Variants in FAM83H observed in about 807,000 individuals in gnomAD.
FAM83H encodes protein FAM83H.
FAM83H carries 24 observed loss-of-function variants against 30.2 expected under a neutral mutation model. The ratio of observed to expected loss-of-function variants is 0.79; its 90% CI spans 0.57 to 1.12. FAM83H has a LOEUF of 1.12. Among genes scored for constraint, FAM83H ranks in the 50% most tolerant of loss-of-function variants. The pLI, the probability that FAM83H is intolerant of heterozygous loss-of-function variation, is 0.00. For synonymous variants in FAM83H, 1,013 were observed against 821.7 expected (o/e 1.23, Z -3.98); for missense variants, 2,038 against 1,773.9 (o/e 1.15, Z -2.67).
chr8:143,732,382 C>G, intron 1 of FAM83H: 2 of 985,322 alleles, frequency 2.0e-6, no homozygotes, highest in Non-Finnish European at 2.4e-6. Flanking sequence ...GTAGGCCTGT[C>G]TGGCTGGGCC....
At chr8:143,732,175 T>C (rs999350352) in intron 1 of FAM83H, 19 of 985,380 alleles carry the variant, frequency 1.9e-5, no homozygotes, top group Non-Finnish European at 2.3e-5. Flanking sequence ...CTGGTGCCCC[T>C]GGGGGTGACA....
chr8:143,731,727 C>T, intron 1 of FAM83H: 1 of 985,482 alleles, frequency 1.0e-6, no homozygotes, highest in African/African-American at 1.7e-5. Flanking sequence ...GAGTCCTGTC[C>T]CCACCAGCCC....
In FAM83H at chr8:143,727,098, C is replaced by T. The variant is rs56148058; in HGVS notation, c.2363G>A (p.Ser788Asn). Reference protein sequence around the residue: ...AVGGERRSLESCLLDLRDSFA... With the variant: ...AVGGERRSLENCLLDLRDSFA... Reference sequence around the variant, plus strand: ...GGAGTCGCGCAGGTCCAGCAGGCAGCTCTCGAGGCTGCGGCGCTCGCCCCC... The same window carrying T: ...GGAGTCGCGCAGGTCCAGCAGGCAGTTCTCGAGGCTGCGGCGCTCGCCCCC... The change falls in exon 5 of 5, where the codon AGC becomes AAC. Residue 788 changes from serine (S) to asparagine (N), a missense_variant. Coordinates refer to ENST00000388913, the MANE Select transcript of FAM83H (RefSeq NM_198488.5). 45,206 of 1,539,106 alleles carry T rather than the reference C, an allele frequency of 0.029. 803 individuals are homozygous for T. Among genetic ancestry groups the T allele is most frequent in the Middle Eastern group, 0.057 (315 of 5,528 alleles).
rs1554622147 is a variant in FAM83H at position 143,726,911 on chromosome 8, G to C, written c.2550C>G (p.Ser850Arg). ...CTCCGGACCCTTCCAGCGGCAGAGG[G>C]CTGTCCAGCCCTTGCGGGGACGTTG... is the stretch of plus-strand genomic sequence containing the variant. ...SHSTSPQGLDSPLPLEGSGAH... is the reference protein window; with the variant it reads ...SHSTSPQGLDRPLPLEGSGAH... Residue 850 changes from serine to arginine, a missense_variant, in exon 5 of 5, where the codon AGC becomes AGG. Transcript: ENST00000388913. The C allele has an allele frequency of 6.2e-7, 1 of 1,612,472 alleles. No individual in the cohort carries two copies. Among genetic ancestry groups the C allele is most frequent in the Non-Finnish European group, 8.5e-7 (1 of 1,179,812 alleles).
chr8:143,730,391 C>T lies in FAM83H; in HGVS notation c.192G>A (p.Val64=). The T allele has an allele frequency of 6.2e-7, 1 of 1,613,450 alleles. No homozygotes were observed. Among genetic ancestry groups the T allele is most frequent in the Non-Finnish European group, 8.5e-7 (1 of 1,180,034 alleles). Residue 64 remains valine, a synonymous_variant, in exon 2 of 5, where the codon GTG becomes GTA. Transcript: ENST00000388913. ...DFLCPEELEH[V]SRHLRPPQYV... is the part of the protein sequence containing the mutation. ...ACTGCGGAGGCCGAAGGTGTCGGCT[C>T]ACATGTTCCAGCTCTTCAGGGCACA...
Position 143,726,612 on chromosome 8 carries a change from G to A in FAM83H, c.2849C>T (p.Pro950Leu). ...TISGESPKAG[P>L]AEEGPSGPME... ...GGGGCCGCTCGGCCCCTCCTCCGCGGGCCCGGCCTTCGGGGACTCCCCGGA... is the reference window on the plus strand; with the variant it reads ...GGGGCCGCTCGGCCCCTCCTCCGCGAGCCCGGCCTTCGGGGACTCCCCGGA... Residue 950 changes from proline (P) to leucine (L), a missense_variant, in exon 5 of 5, where the codon CCC (proline) becomes CTC (leucine). Pro to Leu is a moderately conservative substitution (Grantham distance 98). Transcript: ENST00000388913. 6.2e-7 allele frequency: 1 copy of A among 1,600,522 alleles called. No homozygotes were observed. The highest frequency in any genetic ancestry group is 1.1e-5 in the South Asian group (1 of 90,722).
chr8:143,732,282 C>T (rs1393642860), intron 1 of FAM83H: 31 of 985,256 alleles, frequency 3.1e-5, no homozygotes, highest in Non-Finnish European at 3.5e-5. Flanking sequence ...GTTGGGGCAC[C>T]GTCCTCATGG....
chr8:143,730,737 G>A (rs782673410), intron 1 of FAM83H, 140 bp from the exon 2 acceptor site: 2 of 655,252 alleles, frequency 3.1e-6, no homozygotes, highest in Non-Finnish European at 5.0e-6. Context: ...GCCTTCCAGG[G>A]CACCAGCCGA....
intron 1 of FAM83H, chr8:143,732,467 G>T (rs1554624759): frequency 1.0e-6 from 1 of 985,248 alleles, no homozygotes; most frequent in Non-Finnish European, 1.2e-6. Context: ...GAACAACCCT[G>T]CTGATGTTGT....
Position 143,728,258 on chromosome 8 carries a change from G to T in FAM83H, c.1203C>A (p.His401Gln). 1 of 1,554,194 alleles carries T rather than the reference G, an allele frequency of 6.4e-7. No individual in the cohort carries two copies. The highest frequency in any genetic ancestry group is 8.6e-7 in the Non-Finnish European group (1 of 1,156,482). The change falls in exon 5 of 5, where the codon CAC (histidine) becomes CAA (glutamine). Residue 401 changes from histidine to glutamine, a missense_variant. Physicochemically the swap from His to Gln is conservative, Grantham distance 24. Coordinates refer to ENST00000388913, the MANE Select transcript of FAM83H (RefSeq NM_198488.5). ...AGARGFFQAR[H>Q]LEMDAFKRHS... The stretch of plus-strand genomic sequence containing the variant: ...GCCGCTTGAAGGCGTCCATCTCCAG[G>T]TGCCGCGCCTGGAAGAAGCCCCGCG...
chr8:143,727,557 G>A lies in FAM83H; in HGVS notation c.1904C>T (p.Ala635Val), dbSNP rs1276672067. 5 of 1,587,066 alleles carry A rather than the reference G, an allele frequency of 3.2e-6. No individual in the cohort carries two copies. Among genetic ancestry groups the A allele is most frequent in the African/African-American group, 2.7e-5 (2 of 74,102 alleles). ...TGGCACCGGGACCTTGGTGGGGAAG[G>A]CTGCTGGGACGCGGAAGGCCGAGGG... is the stretch of plus-strand genomic sequence containing the variant. ...LLPSAFRVPA[A>V]FPTKVPVPGP... Residue 635 changes from alanine (A) to valine (V), a missense_variant, in exon 5 of 5, where the codon GCC becomes GTC. By Grantham distance (64) the Ala-to-Val change is moderately conservative (BLOSUM62 0). Coordinates refer to ENST00000388913, the MANE Select transcript of FAM83H (RefSeq NM_198488.5).
intron 2 of FAM83H, 31 bp from the exon 3 acceptor site, chr8:143,729,354 G>A: frequency 6.2e-7 from 1 of 1,611,120 alleles, no homozygotes; most frequent in South Asian, 1.1e-5. Flanking sequence ...GGAGAGGAGA[G>A]GCCCCTGCTG....
rs202016228 is a variant in FAM83H, at chr8:143,726,652, G to A, written c.2809C>T (p.Leu937Phe). 224 of 1,597,346 alleles carry A rather than the reference G, an allele frequency of 1.4e-4. No homozygotes were observed. The highest frequency in any genetic ancestry group is 1.1e-4 in the Non-Finnish European group (124 of 1,177,212). Residue 937 changes from leucine to phenylalanine, a missense_variant, in exon 5 of 5, where the codon CTC becomes TTC. Transcript: ENST00000388913. ...GACTCCCCGGAGATGGTAAGGGTGA[G>A]GCTGCCCCTGCGCTCCGGCACGGGG... is the stretch of plus-strand genomic sequence containing the variant. ...VPPVPERRGS[L>F]TLTISGESPK... is the part of the protein sequence containing the mutation.
chr8:143,726,887 T>C lies in FAM83H; in HGVS notation c.2574A>G (p.Gly858=). Residue 858 remains glycine, a synonymous_variant, in exon 5 of 5, where the codon GGA becomes GGG. Coordinates refer to ENST00000388913, the MANE Select transcript of FAM83H (RefSeq NM_198488.5). ...LDSPLPLEGS[G]AHQVLHNESK... is the part of the protein sequence containing the mutation. ...ACTCATTATGGAGCACCTGGTGCGC[T>C]CCGGACCCTTCCAGCGGCAGAGGGC... The C allele has an allele frequency of 3.1e-6, 5 of 1,612,730 alleles. No homozygotes were observed. Among genetic ancestry groups the C allele is most frequent in the South Asian group, 1.1e-5 (1 of 91,042 alleles).
In FAM83H at chr8:143,727,282, G is replaced by A. The variant is rs536997949; in HGVS notation, c.2179C>T (p.Arg727Cys). ...ETLGPGGEAV[R>C]SAASTKVAEL... ...GCCACCTTGGTGGAAGCCGCGGAGC[G>A]CACGGCCTCTCCGCCGGGCCCCAGC... is the stretch of plus-strand genomic sequence containing the variant. Residue 727 changes from arginine to cysteine, a missense_variant, in exon 5 of 5, where the codon CGC becomes TGC. Transcript: ENST00000388913. The A allele has an allele frequency of 9.8e-6, 15 of 1,536,308 alleles. No individual in the cohort carries two copies. In the Middle Eastern group the frequency reaches 1.0e-3, roughly 105 times the overall value.
In FAM83H at chr8:143,726,282, G is replaced by C; in HGVS notation, c.3179C>G (p.Pro1060Arg). 6.2e-7 allele frequency: 1 copy of C among 1,612,146 alleles called. No individual in the cohort carries two copies. The highest frequency in any genetic ancestry group is 8.5e-7 in the Non-Finnish European group (1 of 1,179,690). ...HGQKHRAVPA[P>R]SPGPTHNSPE... Reference sequence around the variant, plus strand: ...GCTGTTGTGGGTCGGGCCGGGGCTCGGGGCAGGGACCGCACGGTGCTTCTG... The same window carrying C: ...GCTGTTGTGGGTCGGGCCGGGGCTCCGGGCAGGGACCGCACGGTGCTTCTG... Residue 1060 changes from proline to arginine, a missense_variant, in exon 5 of 5, where the codon CCG becomes CGG. Physicochemically the swap from Pro to Arg is moderately radical, Grantham distance 103 (BLOSUM62 -2). Transcript: ENST00000388913.
rs551201867 is a variant in FAM83H at position 143,729,213 on chromosome 8, C to G, written c.558G>C (p.Ala186=). The change falls in exon 3 of 5, where the codon GCG becomes GCC. Residue 186 remains alanine (A), a synonymous_variant. Coordinates refer to ENST00000388913, the MANE Select transcript of FAM83H (RefSeq NM_198488.5). ...TGTCGGCCATGTCCAGGAAGTGCTG[C>G]GCGTTCATCTCATCCAGCAGGATGT... The part of the protein sequence containing the change: ...PVYILLDEMN[A]QHFLDMADKC... 3 of 1,613,536 alleles carry G rather than the reference C, an allele frequency of 1.9e-6. No homozygotes were observed. In the African/African-American group the frequency reaches 4.0e-5, roughly 22 times the overall value.
chr8:143,727,234 C>T lies in FAM83H; in HGVS notation c.2227G>A (p.Gly743Ser), dbSNP rs1554622426. 1.2e-5 allele frequency: 18 copies of T among 1,534,770 alleles called. No individual in the cohort carries two copies. The highest frequency in any genetic ancestry group is 1.5e-5 in the Non-Finnish European group (17 of 1,146,260). ...CCGCCGCCGGGATCACGGGCTGGGC[C>T]CTTGTACTTCTCCAGCAGCTCCGCC... The part of the protein sequence containing the change: ...KVAELLEKYK[G>S]PARDPGGGAG... Residue 743 changes from glycine (G) to serine (S), a missense_variant, in exon 5 of 5, where the codon GGC (glycine) becomes AGC (serine). By Grantham distance (56) the Gly-to-Ser change is moderately conservative (BLOSUM62 0). Coordinates refer to ENST00000388913, the MANE Select transcript of FAM83H (RefSeq NM_198488.5).
chr8:143,730,372 G>C lies in FAM83H; in HGVS notation c.211C>G (p.Pro71Ala), dbSNP rs781882326. The change falls in exon 2 of 5, where the codon CCG (proline) becomes GCG (alanine). Residue 71 changes from proline (P) to alanine (A), a missense_variant. Coordinates refer to ENST00000388913, the MANE Select transcript of FAM83H (RefSeq NM_198488.5). ...GGTGGCTCTCGGGTAACATACTGCG[G>C]AGGCCGAAGGTGTCGGCTCACATGT... ...LEHVSRHLRP[P>A]QYVTREPPEG... The C allele has an allele frequency of 6.2e-7, 1 of 1,613,566 alleles. No individual in the cohort carries two copies. The highest frequency in any genetic ancestry group is 1.1e-5 in the South Asian group (1 of 91,088).
Sources: gnomAD v4.1 joint callset for allele counts on GRCh38, gnomAD v4.1.1 for gene constraint, MANE v1.5 for transcripts, NCBI Gene and HGNC (gene_info 2026-07-23, HGNC 2026-07-21) for gene names.